ZNRF2: variants seen among roughly 807,000 people sequenced by gnomAD.
ZNRF2 encodes the protein zinc and ring finger 2, also known as E3 ubiquitin-protein ligase ZNRF2.
ZNRF2 carries 16 observed loss-of-function variants against 20.4 expected under a neutral mutation model. That is an observed-to-expected ratio of 0.79 (90% confidence interval 0.53 to 1.19). The LOEUF (loss-of-function observed/expected upper bound fraction) is 1.19. Among genes scored for constraint, ZNRF2 ranks in the 50% most tolerant of loss-of-function variants. ZNRF2 has a pLI of 0.00. For synonymous variants in ZNRF2, 178 were observed against 144.9 expected (o/e 1.23, Z -1.64); for missense variants, 363 against 332.4 (o/e 1.09, Z -0.72).
At chr7:30,361,922 T>C (rs1301425807) in intron 3 of ZNRF2, among the ~76,000 whole-genome samples, 2 of 152,208 alleles carry the variant, frequency 1.3e-5, no homozygotes, top group African/African-American at 2.4e-5. Flanking sequence ...TGGGATAGGA[T>C]TTAAATATTC....
In ZNRF2 at chr7:30,334,791, T is replaced by C. The variant is rs532366320; in HGVS notation, c.565+11054T>C. Reference sequence around the variant, plus strand: ...AAAGCTACAGTTTAATGGAAAAATATATAATATTTCTACTTTTTATAAGCA... The same window carrying C: ...AAAGCTACAGTTTAATGGAAAAATACATAATATTTCTACTTTTTATAAGCA... On this transcript the variant is annotated intron_variant, in intron 2 of 4. Coordinates refer to ENST00000323037, the MANE Select transcript of ZNRF2 (RefSeq NM_147128.4). 3.9e-5 allele frequency among the ~76,000 whole-genome samples: 6 copies of C among 152,296 alleles called. No individual in the cohort carries two copies. The South Asian group carries it at 1.2e-3, about 32-fold the overall frequency.
intron 2 of ZNRF2, among the ~76,000 whole-genome samples, chr7:30,336,438 G>T (rs1799717325): frequency 6.6e-6 from 1 of 151,894 alleles, no homozygotes; most frequent in Non-Finnish European, 1.5e-5. Context: ...CCGTCTTGGG[G>T]GGAACTATAT....
chr7:30,328,856 G>A (rs1583584045), intron 2 of ZNRF2, among the ~76,000 whole-genome samples: 1 of 152,294 alleles, frequency 6.6e-6, no homozygotes, highest in East Asian at 1.9e-4. Flanking sequence ...AATGATGTGG[G>A]TGGTATTATC....
chr7:30,336,368 G>C (rs1031281651), intron 2 of ZNRF2, among the ~76,000 whole-genome samples: 1 of 151,984 alleles, frequency 6.6e-6, no homozygotes, highest in African/African-American at 2.4e-5. Context: ...TGAGTAGTTT[G>C]GTATCTTCTC....
chr7:30,324,606 T>TA (rs1157398533), intron 2 of ZNRF2, among the ~76,000 whole-genome samples: 6 of 152,038 alleles, frequency 3.9e-5, no homozygotes. Context: ...TACTTAGTGT[T>TA]ACCATGAAAA....
At chr7:30,348,691 G>A (rs775973442) in intron 2 of ZNRF2, among the ~76,000 whole-genome samples, 2 of 152,040 alleles carry the variant, frequency 1.3e-5, no homozygotes, top group African/African-American at 2.4e-5. Context: ...TACATGTACC[G>A]GTTTGCTTCC....
intron 2 of ZNRF2, among the ~76,000 whole-genome samples, chr7:30,346,998 G>T (rs912838204): frequency 5.9e-5 from 9 of 151,986 alleles, no homozygotes; most frequent in African/African-American, 2.2e-4. Context: ...AAAATTACGG[G>T]TTTTTTCATT....
At chr7:30,295,046 AGAGAGTGT>A (rs1204451915) in intron 1 of ZNRF2, among the ~76,000 whole-genome samples, 206 of 98,342 alleles carry the variant, frequency 2.1e-3, no homozygotes, top group Non-Finnish European at 2.3e-3. Context: ...AGAGAGAGAG[AGAGAGTGT>A]GTGTGTGTGT....
chr7:30,307,025 C>T (rs1181000759), intron 1 of ZNRF2, among the ~76,000 whole-genome samples: 6 of 152,032 alleles, frequency 3.9e-5, no homozygotes, highest in African/African-American at 1.4e-4. Flanking sequence ...ACCTCTATCC[C>T]TTCTGGAACC....
intron 1 of ZNRF2, among the ~76,000 whole-genome samples, chr7:30,300,144 A>C (rs993327074): frequency 6.8e-6 from 1 of 147,590 alleles, no homozygotes; most frequent in Non-Finnish European, 1.5e-5. Context: ...ACATGAATAC[A>C]AGTCTTTTTT....
intron 2 of ZNRF2, among the ~76,000 whole-genome samples, chr7:30,335,630 A>G (rs1799705188): frequency 2.0e-5 from 3 of 152,130 alleles, no homozygotes; most frequent in African/African-American, 7.2e-5. Context: ...AGGATGAAGA[A>G]GATTTGAGAG....
intron 2 of ZNRF2, among the ~76,000 whole-genome samples, chr7:30,355,380 A>G (rs1800020380): frequency 6.6e-6 from 1 of 152,074 alleles, no homozygotes; most frequent in Non-Finnish European, 1.5e-5. Flanking sequence ...TCTTTGAACT[A>G]TCTTGGTCAC....
chr7:30,326,819 TAATA>T (rs1391362381), intron 2 of ZNRF2, among the ~76,000 whole-genome samples: 1 of 152,162 alleles, frequency 6.6e-6, no homozygotes, highest in Non-Finnish European at 1.5e-5. Context: ...GACTTTTTAA[TAATA>T]CGCATTCTGA....
chr7:30,346,776 T>C (rs567380411), intron 2 of ZNRF2, among the ~76,000 whole-genome samples: 54 of 152,234 alleles, frequency 3.5e-4, no homozygotes, highest in African/African-American at 1.3e-3. Context: ...TAGGGATTAC[T>C]TTCTTCTAGT....
chr7:30,315,512 A>G (rs1014358309), intron 1 of ZNRF2, among the ~76,000 whole-genome samples: 1 of 152,082 alleles, frequency 6.6e-6, no homozygotes, highest in Non-Finnish European at 1.5e-5. Context: ...TCTTACCTGT[A>G]AAAGGAGATT....
chr7:30,325,765 G>A (rs750449520), intron 2 of ZNRF2, among the ~76,000 whole-genome samples: 4 of 152,102 alleles, frequency 2.6e-5, no homozygotes, highest in African/African-American at 7.2e-5. Context: ...CAGTTACTTG[G>A]CATAATAAAT....
chr7:30,366,777 TTAAA>T lies in ZNRF2; in HGVS notation c.*770_*773del, dbSNP rs1012209772. 8 of 152,560 alleles carry T rather than the reference TTAAA, an allele frequency of 5.2e-5. No homozygotes were observed. The highest frequency in any genetic ancestry group is 1.0e-4 in the Non-Finnish European group (7 of 67,984). The allele number at this position is 152,560 out of a possible 1,614,324, so 9.5% of individuals were successfully genotyped here. On this transcript the variant is annotated 3_prime_UTR_variant, in exon 5 of 5. Coordinates refer to ENST00000323037, the MANE Select transcript of ZNRF2 (RefSeq NM_147128.4). ...CAATTTATTAAATATTCTTATCCTC[TTAAA>T]TAAAACTGCTCAACAGTTAATCAGC...
At chr7:30,326,932 T>G (rs1250712943) in intron 2 of ZNRF2, among the ~76,000 whole-genome samples, 1 of 152,230 alleles carries the variant, frequency 6.6e-6, no homozygotes, top group Non-Finnish European at 1.5e-5. Context: ...CATTTATGTC[T>G]TCTTTTGAAA....
At chr7:30,287,426 G>C (rs1169896585) in intron 1 of ZNRF2, among the ~76,000 whole-genome samples, 1 of 152,192 alleles carries the variant, frequency 6.6e-6, no homozygotes, top group Non-Finnish European at 1.5e-5. Context: ...CAAGTTAATA[G>C]TTAATATTTA....
Sources: gnomAD v4.1 joint callset for allele counts (sites outside exome capture counted in the v4.1 genomes callset) on GRCh38, gnomAD v4.1.1 for gene constraint, MANE v1.5 for transcripts, NCBI Gene and HGNC (gene_info 2026-07-23, HGNC 2026-07-21) for gene names.